Variants in RBMS3 observed in about 807,000 individuals in gnomAD.
RBMS3 encodes RNA binding motif single stranded interacting protein 3.
In RBMS3, 27 loss-of-function variants were observed where a neutral mutation model predicts 66.8. That is an observed-to-expected ratio of 0.40 (90% CI 0.30 to 0.56). RBMS3 has a LOEUF of 0.56. Ranked by LOEUF, RBMS3 falls within the 20% of genes least tolerant of loss-of-function variation. The pLI, the probability that RBMS3 is intolerant of heterozygous loss-of-function variation, is 0.40. For missense variants in RBMS3, 513 were observed against 549.5 expected, an observed-to-expected ratio of 0.93 and a Z score of 0.66; for synonymous variants, 188 against 183.0, an observed-to-expected ratio of 1.03 and a Z score of -0.22.
chr3:29,448,554 A>G (rs1295270290), intron 2 of RBMS3, among the ~76,000 whole-genome samples: 1 of 152,200 alleles, frequency 6.6e-6, no homozygotes, highest in Admixed American at 6.5e-5. Flanking sequence ...ATGCATTTGT[A>G]TTCACTCCAT....
At chr3:29,734,961 C>T (rs1354341447) in intron 4 of RBMS3, among the ~76,000 whole-genome samples, 2 of 150,880 alleles carry the variant, frequency 1.3e-5, no homozygotes, top group Non-Finnish European at 2.9e-5. Context: ...AAAATCTCAA[C>T]TTCATGCTAG....
At chr3:29,699,938 A>G (rs1347956381) in intron 4 of RBMS3, among the ~76,000 whole-genome samples, 2 of 152,216 alleles carry the variant, frequency 1.3e-5, no homozygotes, top group Non-Finnish European at 2.9e-5. Context: ...GGTATAAAGG[A>G]TGATGATGGC....
intron 6 of RBMS3, among the ~76,000 whole-genome samples, chr3:29,777,585 A>G (rs1162075768): frequency 1.3e-5 from 2 of 151,896 alleles, no homozygotes; most frequent in Non-Finnish European, 2.9e-5. Context: ...CTTCTTTCAA[A>G]TGGAAGACAA....
At chr3:29,548,703 G>A (rs570836383) in intron 3 of RBMS3, among the ~76,000 whole-genome samples, 6 of 151,796 alleles carry the variant, frequency 4.0e-5, no homozygotes, top group Admixed American at 1.3e-4. Flanking sequence ...TAGTATTAAA[G>A]CTTCAAGTCA....
chr3:29,955,609 A>G (rs534207408), intron 12 of RBMS3, among the ~76,000 whole-genome samples: 1 of 152,146 alleles, frequency 6.6e-6, no homozygotes, highest in Admixed American at 6.6e-5. Flanking sequence ...ATGCCTTGGC[A>G]CAGTACCATT....
In RBMS3 at chr3:29,528,621, G is replaced by A. The variant is rs186635495; in HGVS notation, c.307+40122G>A. On this transcript the variant is annotated intron_variant, in intron 3 of 14. Coordinates refer to ENST00000383767, the MANE Select transcript of RBMS3 (RefSeq NM_001003793.3). ...ACTTGTAATTTCTACAGCATTTTAT[G>A]CTTACTCCAGAATTTGTTTTTAACT... 3.6e-4 allele frequency among the ~76,000 whole-genome samples: 55 copies of A among 152,192 alleles called. 1 individual carries two copies. Among genetic ancestry groups the A allele is most frequent in the Admixed American group, 1.8e-3 (28 of 15,294 alleles).
In RBMS3 at chr3:29,531,370, A is replaced by T. The variant is rs562741313; in HGVS notation, c.307+42871A>T. On this transcript the variant is annotated intron_variant, in intron 3 of 14. Coordinates refer to ENST00000383767, the MANE Select transcript of RBMS3 (RefSeq NM_001003793.3). The stretch of plus-strand genomic sequence containing the variant: ...ATGCTGTGTAAGTCAGGCTTCAACC[A>T]TGAGACTTACATGGATTGTTTTCAT... 9.8e-4 allele frequency among the ~76,000 whole-genome samples: 149 copies of T among 152,364 alleles called. 3 individuals carry two copies. Among genetic ancestry groups the T allele is most frequent in the Non-Finnish European group, 2.2e-4 (15 of 68,034 alleles).
intron 1 of RBMS3, among the ~76,000 whole-genome samples, chr3:29,362,573 G>T (rs1211896428): frequency 6.6e-6 from 1 of 152,168 alleles, no homozygotes; most frequent in Non-Finnish European, 1.5e-5. Context: ...TCTCTTCAAA[G>T]CTCAGTTGGA....
chr3:29,548,547 T>C (rs1004878156), intron 3 of RBMS3, among the ~76,000 whole-genome samples: 1 of 151,900 alleles, frequency 6.6e-6, no homozygotes, highest in Non-Finnish European at 1.5e-5. Flanking sequence ...TAAAATACTT[T>C]TTAAAGGAAA....
At chr3:29,327,206 T>C (rs185539084) in intron 1 of RBMS3, among the ~76,000 whole-genome samples, 19 of 152,262 alleles carry the variant, frequency 1.2e-4, no homozygotes, top group African/African-American at 4.6e-4. Context: ...AAGGACATGA[T>C]TTAGTTTTGA....
At chr3:29,918,552 G>C (rs763194999) in intron 10 of RBMS3, among the ~76,000 whole-genome samples, 10 of 152,052 alleles carry the variant, frequency 6.6e-5, no homozygotes, top group Non-Finnish European at 1.3e-4. Flanking sequence ...TGATATGTCT[G>C]AGGTAAATAT....
At chr3:29,493,826 A>G (rs3773031) in intron 3 of RBMS3, among the ~76,000 whole-genome samples, 80,376 of 151,992 alleles carry the variant, frequency 0.53, 22,655 homozygotes, top group African/African-American at 0.7. Flanking sequence ...ATAGGCAGAG[A>G]TTGAGTACTT....
chr3:29,759,012 C>T (rs1204850801), intron 5 of RBMS3, among the ~76,000 whole-genome samples: 1 of 152,060 alleles, frequency 6.6e-6, no homozygotes, highest in Non-Finnish European at 1.5e-5. Context: ...ATGCTTACTG[C>T]TTTAAGACCA....
At chr3:29,779,400 A>G (rs895500863) in intron 6 of RBMS3, among the ~76,000 whole-genome samples, 1 of 151,450 alleles carries the variant, frequency 6.6e-6, no homozygotes, top group Non-Finnish European at 1.5e-5. Flanking sequence ...TCAGACCCAT[A>G]TTTTCTCCAT....
chr3:29,296,737 G>T (rs1447284490), intron 1 of RBMS3, among the ~76,000 whole-genome samples: 1 of 151,738 alleles, frequency 6.6e-6, no homozygotes, highest in Non-Finnish European at 1.5e-5. Flanking sequence ...GACCAAGAAT[G>T]TGTATTTCTG....
At chr3:29,284,450 CTT>C (rs2032099953) in intron 1 of RBMS3, among the ~76,000 whole-genome samples, 1 of 152,018 alleles carries the variant, frequency 6.6e-6, no homozygotes, top group African/African-American at 2.4e-5. Flanking sequence ...GCTGAACTCT[CTT>C]TTTCTACTTG....
intron 6 of RBMS3, among the ~76,000 whole-genome samples, chr3:29,829,816 A>G (rs2058317991): frequency 8.0e-6 from 1 of 125,730 alleles, no homozygotes; most frequent in South Asian, 2.3e-4. Context: ...AGAAAGCACC[A>G]TCAAGAGGAG....
chr3:29,388,957 C>T (rs1559540590), intron 1 of RBMS3, among the ~76,000 whole-genome samples: 1 of 152,214 alleles, frequency 6.6e-6, no homozygotes, highest in East Asian at 1.9e-4. Context: ...GACACATCAT[C>T]AGGCAGTTTG....
intron 7 of RBMS3, among the ~76,000 whole-genome samples, chr3:29,882,039 GT>G (rs2059748414): frequency 6.6e-6 from 1 of 152,160 alleles, no homozygotes; most frequent in Admixed American, 6.6e-5. Context: ...AAGCCCACCT[GT>G]TTTATTCTGC....
Sources: allele counts gnomAD v4.1 joint callset (sites outside exome capture counted in the v4.1 genomes callset), GRCh38; gene constraint gnomAD v4.1.1; transcripts MANE v1.5; gene names NCBI Gene and HGNC (gene_info 2026-07-23, HGNC 2026-07-21).